P3H3: variants seen among roughly 807,000 people sequenced by gnomAD.
The protein encoded by P3H3 is prolyl 3-hydroxylase 3, also known as gene rich cluster, B.
A neutral mutation model predicts 78.1 loss-of-function variants in P3H3; 64 were observed. The ratio of observed to expected loss-of-function variants is 0.82; its 90% CI spans 0.67 to 1.01. The LOEUF (loss-of-function observed/expected upper bound fraction) is 1.01. Ranked by LOEUF, P3H3 falls within the 50% of genes least tolerant of loss-of-function variation. P3H3 has a pLI of 0.00. For synonymous variants in P3H3, 425 were observed against 416.7 expected, an observed-to-expected ratio of 1.02 and a Z score of -0.24; for missense variants, 975 against 982.2, an observed-to-expected ratio of 0.99 and a Z score of 0.10.
chr12:6,828,947 C>T lies in P3H3; in HGVS notation c.498+9C>T. 2.4e-6 allele frequency: 3 copies of T among 1,227,656 alleles called. No individual in the cohort carries two copies. The highest frequency in any genetic ancestry group is 3.7e-5 in the South Asian group (1 of 27,200). The allele number at this position is 1,227,656 out of a possible 1,614,324, so 76.0% of individuals were successfully genotyped here. A position where few individuals can be genotyped will look rare whatever the true frequency, so the allele number is the denominator to read the frequency against. ...AGAGGGCCTATTACCAGGTGGGGAG[C>T]GGGCCGGGCAGCTCCGAGGGTCCCA... On this transcript the variant is annotated intron_variant, in intron 1 of 14. Transcript: ENST00000290510.
At position 6,839,668 on chromosome 12, in the gene P3H3, C is replaced by T. The variant is rs1565515790; in HGVS notation, c.*207C>T. The T allele has an allele frequency of 4.5e-6, 3 of 668,164 alleles. No homozygotes were observed. Among genetic ancestry groups the T allele is most frequent in the Non-Finnish European group, 2.4e-6 (1 of 410,896 alleles). 41.4% of individuals were successfully genotyped at this position (668,164 alleles called of 1,614,324 possible). On this transcript the variant is annotated 3_prime_UTR_variant, in exon 15 of 15. Coordinates refer to ENST00000290510, the MANE Select transcript of P3H3 (RefSeq NM_014262.5). ...CCTGGAGCTCACCAGGCCTGGGGAG[C>T]TGGGACGGGGCCCCGCTGCCGGACC...
At position 6,832,000 on chromosome 12, in the gene P3H3, T is replaced by C. The variant is rs1943455205; in HGVS notation, c.1212+86T>C. 5.2e-6 allele frequency: 4 copies of C among 772,924 alleles called. No individual in the cohort carries two copies. The highest frequency in any genetic ancestry group is 8.9e-6 in the Non-Finnish European group (4 of 451,144). 47.9% of individuals were successfully genotyped at this position (772,924 alleles called of 1,614,324 possible). On this transcript the variant is annotated intron_variant, in intron 6 of 14. Coordinates refer to ENST00000290510, the MANE Select transcript of P3H3 (RefSeq NM_014262.5). This position sits in a 1 kb window ranked among gnomAD's most constrained non-coding sequence, Gnocchi z 4.6. ...GGTTTGCAACAGAGTTTTCCATTTT[T>C]CCACCATGAGGCTTGGAGAAGAGTC...
intron 11 of P3H3, 21 bp from the exon 12 acceptor site, chr12:6,837,711 C>A: frequency 6.2e-7 from 1 of 1,602,716 alleles, no homozygotes; most frequent in Non-Finnish European, 8.5e-7. Flanking sequence ...AGAGGTACCC[C>A]CAGACCCCTT....
rs1555122813 is a variant in P3H3, at chr12:6,839,654, C to G, written c.*193C>G. 1.4e-6 allele frequency: 1 copy of G among 735,248 alleles called. No individual in the cohort carries two copies. Among genetic ancestry groups the G allele is most frequent in the Non-Finnish European group, 2.1e-6 (1 of 467,974 alleles). The allele number at this position is 735,248 out of a possible 1,614,324, so 45.5% of individuals were successfully genotyped here. On this transcript the variant is annotated 3_prime_UTR_variant, in exon 15 of 15. Coordinates refer to ENST00000290510, the MANE Select transcript of P3H3 (RefSeq NM_014262.5). ...AGTGCACAGGCTAGCCTGGAGCTCA[C>G]CAGGCCTGGGGAGCTGGGACGGGGC...
Position 6,839,460 on chromosome 12 carries a change from G to T in P3H3, c.2210G>T (p.Ter737LeuextTer7). 6.4e-7 allele frequency: 1 copy of T among 1,550,642 alleles called. No homozygotes were observed. The highest frequency in any genetic ancestry group is 8.7e-7 in the Non-Finnish European group (1 of 1,146,834). The part of the protein sequence containing the change: ...GRAPRVREEL[*>L] ...GCACCTCGGGTTCGGGAGGAGCTGT[G>T]AGTGGCTGAGCCAGCTCCTTGAGGA... Residue 737 changes from the stop codon to leucine (L), a stop_lost, in exon 15 of 15, where the codon TGA (stop) becomes TTA (leucine). Transcript: ENST00000290510.
At position 6,830,666 on chromosome 12, in the gene P3H3, G is replaced by A. The variant is rs781976830; in HGVS notation, c.881G>A (p.Arg294Gln). Residue 294 changes from arginine (R) to glutamine (Q), a missense_variant, in exon 4 of 15, where the codon CGG becomes CAG. Physicochemically the swap from Arg to Gln is conservative, Grantham distance 43. Transcript: ENST00000290510. ...AGHWIQVLQC[R>Q]QRCVGETATR... ...CACTGGATTCAGGTCCTGCAGTGCC[G>A]GCAACGCTGTGTGGGGGAAACAGCC... The A allele has an allele frequency of 1.6e-5, 26 of 1,612,906 alleles. No individual in the cohort carries two copies. Among genetic ancestry groups the A allele is most frequent in the African/African-American group, 8.0e-5 (6 of 74,890 alleles).
rs1385261574 is a variant in P3H3 at position 6,836,801 on chromosome 12, C to A, written c.1459-184C>A. Among the ~76,000 whole-genome samples the A allele has an allele frequency of 4.6e-5, 7 of 152,182 alleles. 1 individual carries two copies. The highest frequency in any genetic ancestry group is 1.7e-4 in the African/African-American group (7 of 41,442). ...CCAGCCCGTACCAGAGAGGGACAAT[C>A]GGACAGCCGTGGCGGTGGGCACTCT... On this transcript the variant is annotated intron_variant, in intron 9 of 14. Coordinates refer to ENST00000290510, the MANE Select transcript of P3H3 (RefSeq NM_014262.5).
chr12:6,831,249 T>C lies in P3H3; in HGVS notation c.1019T>C (p.Leu340Pro). ...GNLSQAIENVLSVLLFYPEDE... is the reference protein window; with the variant it reads ...GNLSQAIENVPSVLLFYPEDE... ...CTGTCCCAGGCTATAGAAAATGTCC[T>C]GAGTGTCCTGCTCTTCTACCCGGAG... Residue 340 changes from leucine (L) to proline (P), a missense_variant, in exon 5 of 15, where the codon CTG becomes CCG. By Grantham distance (98) the Leu-to-Pro change is moderately conservative. Transcript: ENST00000290510. The surrounding 1 kb of genome is among the most constrained non-coding windows in gnomAD (Gnocchi z 4.6). 6.2e-7 allele frequency: 1 copy of C among 1,613,904 alleles called. No individual in the cohort carries two copies. The highest frequency in any genetic ancestry group is 1.1e-5 in the South Asian group (1 of 91,084).
chr12:6,834,129 C>T (rs190184473), intron 9 of P3H3, 80 bp downstream of exon 9: 2 of 1,583,812 alleles, frequency 1.3e-6, no homozygotes, highest in Non-Finnish European at 8.6e-7. Flanking sequence ...GGCCTGCCCC[C>T]TTCATTCTGC....
At position 6,839,050 on chromosome 12, in the gene P3H3, C is replaced by T. The variant is rs782477345; in HGVS notation, c.1956C>T (p.Val652=). The T allele has an allele frequency of 1.1e-5, 18 of 1,611,858 alleles. No homozygotes were observed. The highest frequency in any genetic ancestry group is 8.0e-5 in the African/African-American group (6 of 74,868). The change falls in exon 14 of 15, where the codon GTC becomes GTT. Residue 652 remains valine, a synonymous_variant. Transcript: ENST00000290510. ...GCCTTGTGGCCTTCAGCTCCGGTGT[C>T]GAGAATCCCCATGGGGTGTGGGCCG... is the stretch of plus-strand genomic sequence containing the variant. ...CGRLVAFSSG[V]ENPHGVWAVT... is the part of the protein sequence containing the mutation.
At position 6,830,424 on chromosome 12, in the gene P3H3, G is replaced by A; in HGVS notation, c.723G>A (p.Glu241=). Residue 241 remains glutamate (E), a synonymous_variant, in exon 3 of 15, where the codon GAG becomes GAA. Transcript: ENST00000290510. ...GACTGGCACTGCCCAGGCTAGAGGA[G>A]GCTCTTCAGGGGAGCCTGGCCCAGA... ...EAGLALPRLE[E]ALQGSLAQME... 2 of 1,587,240 alleles carry A rather than the reference G, an allele frequency of 1.3e-6. No individual in the cohort carries two copies. The highest frequency in any genetic ancestry group is 1.7e-6 in the Non-Finnish European group (2 of 1,168,042).
Position 6,834,196 on chromosome 12 carries a change from G to A in P3H3, c.1458+147G>A, listed in dbSNP as rs782526910. The A allele has an allele frequency of 1.1e-5, 13 of 1,223,806 alleles. No homozygotes were observed. In the South Asian group the frequency reaches 1.8e-4, roughly 17 times the overall value. The allele number at this position is 1,223,806 out of a possible 1,614,324, so 75.8% of individuals were successfully genotyped here. A position where few individuals can be genotyped will look rare whatever the true frequency, so the allele number is the denominator to read the frequency against. ...ACCACTGCCTCTCAGCTGTGGATAAGTTCCGTCTCGTCTTAATTTAGCTGA... is the reference window on the plus strand; with the variant it reads ...ACCACTGCCTCTCAGCTGTGGATAAATTCCGTCTCGTCTTAATTTAGCTGA... On this transcript the variant is annotated intron_variant, in intron 9 of 14. Coordinates refer to ENST00000290510, the MANE Select transcript of P3H3 (RefSeq NM_014262.5).
chr12:6,828,839 G>A lies in P3H3; in HGVS notation c.399G>A (p.Leu133=). Residue 133 remains leucine, a synonymous_variant, in exon 1 of 15, where the codon CTG becomes CTA. Transcript: ENST00000290510. ...DCLTQCAARR[L]GPGGAARLRV... is the part of the protein sequence containing the mutation. ...TGACCCAGTGCGCAGCACGGAGGCTGGGCCCCGGGGGCGCGGCGCGGCTTC... is the reference window on the plus strand; with the variant it reads ...TGACCCAGTGCGCAGCACGGAGGCTAGGCCCCGGGGGCGCGGCGCGGCTTC... The A allele has an allele frequency of 8.0e-7, 1 of 1,243,622 alleles. No individual in the cohort carries two copies. The highest frequency in any genetic ancestry group is 1.0e-6 in the Non-Finnish European group (1 of 993,776). 77.0% of individuals were successfully genotyped at this position (1,243,622 alleles called of 1,614,324 possible).
In P3H3 at chr12:6,829,658, G is replaced by A; in HGVS notation, c.499-201G>A. On this transcript the variant is annotated intron_variant, in intron 1 of 14. Coordinates refer to ENST00000290510, the MANE Select transcript of P3H3 (RefSeq NM_014262.5). This position sits in a 1 kb window ranked among gnomAD's most constrained non-coding sequence, Gnocchi z 5.1. The stretch of plus-strand genomic sequence containing the variant: ...GTCTTTAGATCCCCTTTCCCTCGGT[G>A]CCAGCCTTCTGAGAGTCCCAACGTT... 2 of 605,368 alleles carry A rather than the reference G, an allele frequency of 3.3e-6. No homozygotes were observed. Among genetic ancestry groups the A allele is most frequent in the South Asian group, 3.9e-5 (2 of 51,284 alleles). 37.5% of individuals were successfully genotyped at this position (605,368 alleles called of 1,614,324 possible). A position where few individuals can be genotyped will look rare whatever the true frequency, so the allele number is the denominator to read the frequency against.
rs781994545 is a variant in P3H3, at chr12:6,839,143, A to G, written c.2046+3A>G. 3.6e-5 allele frequency: 57 copies of G among 1,597,724 alleles called. No homozygotes were observed. Among genetic ancestry groups the G allele is most frequent in the Non-Finnish European group, 4.9e-5 (57 of 1,174,562 alleles). On this transcript the variant is annotated splice_donor_region_variant and intron_variant, in intron 14 of 14. Coordinates refer to ENST00000290510, the MANE Select transcript of P3H3 (RefSeq NM_014262.5). ...GGGCACCTGAGCACAGGGAGCAGGT[A>G]AGGAGCGGGGTAGGAAGGGATGTGG...
rs2137955420 is a variant in P3H3, at chr12:6,828,571, G to C, written c.131G>C (p.Gly44Ala). The C allele has an allele frequency of 8.1e-7, 1 of 1,230,318 alleles. No individual in the cohort carries two copies. The highest frequency in any genetic ancestry group is 4.3e-5 in the Admixed American group (1 of 23,520). The allele number at this position is 1,230,318 out of a possible 1,614,324, so 76.2% of individuals were successfully genotyped here. Residue 44 changes from glycine to alanine, a missense_variant, in exon 1 of 15, where the codon GGG (glycine) becomes GCG (alanine). Transcript: ENST00000290510. ...PQAPDLLYADGLRAYAAGAWA... is the reference protein window; with the variant it reads ...PQAPDLLYADALRAYAAGAWA... The stretch of plus-strand genomic sequence containing the variant: ...GCCCCCGACTTGCTCTACGCTGACG[G>C]GCTGCGCGCCTACGCGGCCGGGGCT...
chr12:6,829,427 C>A lies in P3H3; in HGVS notation c.499-432C>A. 4.2e-6 allele frequency: 1 copy of A among 237,646 alleles called. No individual in the cohort carries two copies. The highest frequency in any genetic ancestry group is 8.2e-6 in the Non-Finnish European group (1 of 122,254). The allele number at this position is 237,646 out of a possible 1,614,324, so 14.7% of individuals were successfully genotyped here. ...GCGGGGAGGGGACAGCACGCCGCAGCCGCCGGTACCGCAGCAGTTGCCTAC... is the reference window on the plus strand; with the variant it reads ...GCGGGGAGGGGACAGCACGCCGCAGACGCCGGTACCGCAGCAGTTGCCTAC... On this transcript the variant is annotated intron_variant, in intron 1 of 14. Transcript: ENST00000290510. This position sits in a 1 kb window ranked among gnomAD's most constrained non-coding sequence, Gnocchi z 5.1.
At chr12:6,839,189 T>C (rs781858967) in intron 14 of P3H3, 49 bp downstream of exon 14, 28 of 1,572,898 alleles carry the variant, frequency 1.8e-5, no homozygotes, top group Non-Finnish European at 2.4e-5. Context: ...GCGTGAAGGG[T>C]GGGCAAGGAG....
At position 6,831,835 on chromosome 12, in the gene P3H3, G is replaced by T; in HGVS notation, c.1133G>T (p.Arg378Leu). 1 of 1,604,418 alleles carries T rather than the reference G, an allele frequency of 6.2e-7. No homozygotes were observed. Among genetic ancestry groups the T allele is most frequent in the Non-Finnish European group, 8.5e-7 (1 of 1,173,572 alleles). Residue 378 changes from arginine to leucine, a missense_variant, in exon 6 of 15, where the codon CGC becomes CTC. By Grantham distance (102) the Arg-to-Leu change is moderately radical (BLOSUM62 -2). Coordinates refer to ENST00000290510, the MANE Select transcript of P3H3 (RefSeq NM_014262.5). The surrounding 1 kb of genome is among the most constrained non-coding windows in gnomAD (Gnocchi z 4.6). ...PGLGPREDIQ[R>L]FILRSLGEKR... ...TCATCTCACCCTCAGGACATCCAGC[G>T]CTTCATCCTCCGATCCCTGGGGGAG...
Sources: allele counts gnomAD v4.1 joint callset (sites outside exome capture counted in the v4.1 genomes callset), GRCh38; gene constraint gnomAD v4.1.1; non-coding constraint Gnocchi (gnomAD v3.1); transcripts MANE v1.5; gene names NCBI Gene and HGNC (gene_info 2026-07-23, HGNC 2026-07-21).